Variants in BNC2 observed in about 807,000 individuals in gnomAD.
BNC2 encodes zinc finger protein basonuclin-2.
In BNC2, 20 loss-of-function variants were observed where a neutral mutation model predicts 76.3. The observed-to-expected ratio is 0.26, with a 90% CI of 0.18 to 0.38. The LOEUF is 0.38. Among genes scored for constraint, BNC2 ranks in the 10% least tolerant of loss-of-function variants. The pLI is 1.00. For missense variants in BNC2, 1,382 were observed against 1,399.8 expected (o/e 0.99, Z 0.20); for synonymous variants, 582 against 514.8 (o/e 1.13, Z -1.77).
chr9:16,650,783 A>AT (rs1293398285), intron 3 of BNC2, among the ~76,000 whole-genome samples: 1 of 152,288 alleles, frequency 6.6e-6, no homozygotes, highest in East Asian at 1.9e-4. Flanking sequence ...TAGCAAAAAA[A>AT]TTATTCACAA....
chr9:16,820,277 T>C (rs1322521525), intron 1 of BNC2, among the ~76,000 whole-genome samples: 2 of 150,456 alleles, frequency 1.3e-5, no homozygotes, highest in African/African-American at 4.9e-5. Flanking sequence ...TATACAAAAA[T>C]TAGCTGGGCG....
At chr9:16,673,826 G>A (rs1822556997) in intron 3 of BNC2, among the ~76,000 whole-genome samples, 1 of 152,058 alleles carries the variant, frequency 6.6e-6, no homozygotes, top group African/African-American at 2.4e-5. Flanking sequence ...GTTGAACTCT[G>A]AGACGGGTTC....
intron 5 of BNC2, among the ~76,000 whole-genome samples, chr9:16,442,595 G>A (rs1232791446): frequency 6.6e-6 from 1 of 152,180 alleles, no homozygotes; most frequent in African/African-American, 2.4e-5. Flanking sequence ...GTGAAGAGAT[G>A]GAAGAGAAAC....
chr9:16,616,790 G>GGGAAAGAAGGAA (rs1820712839), intron 3 of BNC2, among the ~76,000 whole-genome samples: 1 of 10,338 alleles, frequency 9.7e-5, no homozygotes, highest in African/African-American at 1.5e-4. Context: ...GGAGGAAGGA[G>GGGAAAGAAGGAA]GGAAGGAAGG....
At chr9:16,759,432 T>A (rs1825489710) in intron 1 of BNC2, among the ~76,000 whole-genome samples, 1 of 152,166 alleles carries the variant, frequency 6.6e-6, no homozygotes. Context: ...TTCCTTAATT[T>A]TTTTTTACAC....
chr9:16,736,996 G>A (rs957512873), intron 2 of BNC2, among the ~76,000 whole-genome samples: 1 of 151,054 alleles, frequency 6.6e-6, no homozygotes, highest in Non-Finnish European at 1.5e-5. Flanking sequence ...AGTAGAGACA[G>A]GGTTTCTCCA....
intron 1 of BNC2, among the ~76,000 whole-genome samples, chr9:16,741,540 G>C (rs368929282): frequency 1.3e-3 from 202 of 152,288 alleles, no homozygotes; most frequent in African/African-American, 4.8e-3. Context: ...CCACAAAAGC[G>C]TGAGAAATAA....
At chr9:16,822,011 T>C (rs1339140259) in intron 1 of BNC2, among the ~76,000 whole-genome samples, 1 of 144,444 alleles carries the variant, frequency 6.9e-6, no homozygotes, top group Admixed American at 7.4e-5. Flanking sequence ...GAGAATGGCA[T>C]GAACCCGGAA....
At chr9:16,627,487 C>T (rs953772439) in intron 3 of BNC2, among the ~76,000 whole-genome samples, 6 of 152,112 alleles carry the variant, frequency 3.9e-5, no homozygotes, top group South Asian at 2.1e-4. Flanking sequence ...ATATTCAATG[C>T]GGCTCACACC....
chr9:16,423,708 G>T (rs1358755353), intron 6 of BNC2, among the ~76,000 whole-genome samples: 1 of 152,174 alleles, frequency 6.6e-6, no homozygotes. Context: ...AAAGGTGGTG[G>T]CGACAAAACA....
At chr9:16,827,976 C>T (rs903646738) in intron 1 of BNC2, among the ~76,000 whole-genome samples, 1 of 152,128 alleles carries the variant, frequency 6.6e-6, no homozygotes, top group African/African-American at 2.4e-5. Context: ...TATAGAATTA[C>T]CTTATATATC....
rs550812443 is a variant in BNC2, at chr9:16,763,079, G to C, written c.4-24594C>G. ...CCTGTGCTGCTTAGATGGTCACTCA[G>C]CTCAACCTGCAGTTGAACCCAAAAC... On this transcript the variant is annotated intron_variant, in intron 1 of 6. Coordinates refer to ENST00000380672, the MANE Select transcript of BNC2 (RefSeq NM_017637.6). 7.2e-5 allele frequency among the ~76,000 whole-genome samples: 11 copies of C among 152,308 alleles called. No individual in the cohort carries two copies. In the South Asian group the frequency reaches 1.9e-3, roughly 26 times the overall value.
chr9:16,556,062 G>C (rs980737836), intron 4 of BNC2, among the ~76,000 whole-genome samples: 12 of 152,066 alleles, frequency 7.9e-5, no homozygotes, highest in East Asian at 1.9e-4. Flanking sequence ...CGCTGTGGGA[G>C]GCCAAGGCAG....
intron 1 of BNC2, among the ~76,000 whole-genome samples, chr9:16,818,454 G>A (rs916403922): frequency 1.3e-5 from 2 of 152,170 alleles, no homozygotes; most frequent in Non-Finnish European, 2.9e-5. Context: ...AACCGGTTTG[G>A]AAGTTTAAAG....
chr9:16,677,456 C>T (rs1438152742), intron 3 of BNC2, among the ~76,000 whole-genome samples: 2 of 151,998 alleles, frequency 1.3e-5, no homozygotes, highest in African/African-American at 2.4e-5. Context: ...GCCCGTAGTC[C>T]CAGCTACTCG....
At chr9:16,471,252 A>G (rs886511685) in intron 5 of BNC2, among the ~76,000 whole-genome samples, 1 of 149,522 alleles carries the variant, frequency 6.7e-6, no homozygotes, top group Non-Finnish European at 1.5e-5. Flanking sequence ...CCCAATACCT[A>G]TACCTCCATT....
At chr9:16,612,889 A>T (rs1468268736) in intron 3 of BNC2, among the ~76,000 whole-genome samples, 1 of 152,138 alleles carries the variant, frequency 6.6e-6, no homozygotes. Flanking sequence ...TTTACTTGGC[A>T]CCCACACATA....
At chr9:16,454,510 C>T (rs984824969) in intron 5 of BNC2, among the ~76,000 whole-genome samples, 21 of 152,130 alleles carry the variant, frequency 1.4e-4, no homozygotes, top group African/African-American at 4.6e-4. Flanking sequence ...CATTATGTTG[C>T]CTAGGCTGGT....
chr9:16,555,321 C>A (rs1448101095), intron 4 of BNC2, among the ~76,000 whole-genome samples: 1 of 151,936 alleles, frequency 6.6e-6, no homozygotes, highest in East Asian at 1.9e-4. Context: ...CCACACCCGG[C>A]CAAGGTTGGT....
Sources: gnomAD v4.1 joint callset for allele counts (sites outside exome capture counted in the v4.1 genomes callset) on GRCh38, gnomAD v4.1.1 for gene constraint, MANE v1.5 for transcripts, NCBI Gene and HGNC (gene_info 2026-07-23, HGNC 2026-07-21) for gene names.